The following TTC29 variants were observed in gnomAD, a reference collection of about 807,000 sequenced individuals.
TTC29 encodes the protein tetratricopeptide repeat protein 29.
TTC29 carries 49 observed loss-of-function variants against 58.1 expected under a neutral mutation model. The observed-to-expected ratio is 0.84, with a 90% CI of 0.67 to 1.07. TTC29 has a LOEUF of 1.07. TTC29 is among the 50% of genes least tolerant of loss of function. The probability of loss-of-function intolerance (pLI) is 0.00; values close to 1 mark genes in which losing one functional copy is unlikely to be tolerated. For missense variants in TTC29, 582 were observed against 555.6 expected (o/e 1.05, Z -0.48); for synonymous variants, 209 against 196.8 (o/e 1.06, Z -0.52).
intron 10 of TTC29, among the ~76,000 whole-genome samples, chr4:146,805,828 G>A (rs1405582338): frequency 6.6e-6 from 1 of 152,072 alleles, no homozygotes; most frequent in Non-Finnish European, 1.5e-5. Context: ...ATACTATATG[G>A]GAGCACCTCC....
In TTC29 at chr4:146,846,296, A is replaced by T. The variant is rs1204581664; in HGVS notation, c.886-12399T>A. Among the ~76,000 whole-genome samples, 5 of 152,304 alleles carry T rather than the reference A, an allele frequency of 3.3e-5. No homozygotes were observed. The East Asian group carries it at 9.7e-4, about 29-fold the overall frequency. ...AAAGGTGCATTTGGTTTGTTTGATC[A>T]CATTCTCAGACAAATAAAAGTTTCC... is the stretch of plus-strand genomic sequence containing the variant. On this transcript the variant is annotated intron_variant, in intron 8 of 12. Coordinates refer to ENST00000325106, the MANE Select transcript of TTC29 (RefSeq NM_031956.4).
intron 8 of TTC29, among the ~76,000 whole-genome samples, chr4:146,862,535 T>C (rs903112557): frequency 3.9e-5 from 6 of 152,140 alleles, no homozygotes; most frequent in African/African-American, 9.7e-5. Flanking sequence ...GTGTCTAAGA[T>C]AGGACACTAA....
intron 6 of TTC29, among the ~76,000 whole-genome samples, chr4:146,893,107 C>A (rs934083947): frequency 8.5e-5 from 13 of 152,238 alleles, no homozygotes; most frequent in Middle Eastern, 3.4e-3. Flanking sequence ...CATACTGCCC[C>A]AGGTAATTTA....
At chr4:146,801,953 T>C (rs1750252794) in intron 11 of TTC29, among the ~76,000 whole-genome samples, 1 of 110,310 alleles carries the variant, frequency 9.1e-6, no homozygotes, top group Non-Finnish European at 1.7e-5. Flanking sequence ...CACTCCAGCC[T>C]GGACAACAGA....
intron 6 of TTC29, among the ~76,000 whole-genome samples, chr4:146,898,898 A>C (rs1324578810): frequency 6.6e-6 from 1 of 152,196 alleles, no homozygotes; most frequent in Non-Finnish European, 1.5e-5. Flanking sequence ...CCTCACAAAG[A>C]AGGCTGGCCT....
At chr4:146,801,901 C>T (rs775369799) in intron 11 of TTC29, among the ~76,000 whole-genome samples, 2 of 138,670 alleles carry the variant, frequency 1.4e-5, no homozygotes, top group African/African-American at 5.4e-5. Context: ...ATGGTGTGAA[C>T]CCGGGAGGCA....
At chr4:146,747,143 T>G (rs1745607361) in intron 11 of TTC29, among the ~76,000 whole-genome samples, 1 of 152,142 alleles carries the variant, frequency 6.6e-6, no homozygotes, top group African/African-American at 2.4e-5. Flanking sequence ...TAGAGACTCA[T>G]GCAGTCCTCA....
intron 4 of TTC29, among the ~76,000 whole-genome samples, chr4:146,916,178 A>T (rs1203662837): frequency 6.6e-6 from 1 of 151,722 alleles, no homozygotes; most frequent in Non-Finnish European, 1.5e-5. Context: ...GATATTATGT[A>T]TATCGTAATC....
intron 6 of TTC29, among the ~76,000 whole-genome samples, chr4:146,890,142 A>G (rs1321086519): frequency 1.3e-5 from 2 of 152,174 alleles, no homozygotes; most frequent in Non-Finnish European, 2.9e-5. Context: ...GGTGGCTTAA[A>G]CAACAAAAAT....
In TTC29 at chr4:146,869,888, T is replaced by C. The variant is rs529555079; in HGVS notation, c.800-2305A>G. 3.3e-5 allele frequency among the ~76,000 whole-genome samples: 5 copies of C among 152,200 alleles called. No individual in the cohort carries two copies. The South Asian group carries it at 1.0e-3, about 32-fold the overall frequency. ...TAACAGAGAAAAATGTCGGTAAGAA[T>C]AGGATTAAAAACAACCAAAAAGAAA... On this transcript the variant is annotated intron_variant, in intron 7 of 12. Transcript: ENST00000325106.
chr4:146,756,963 T>C (rs1278826004), intron 11 of TTC29, among the ~76,000 whole-genome samples: 1 of 152,170 alleles, frequency 6.6e-6, no homozygotes, highest in African/African-American at 2.4e-5. Context: ...TTTCCTTGCA[T>C]TGGGCTTTGC....
chr4:146,869,303 G>A (rs1444696742), intron 7 of TTC29, among the ~76,000 whole-genome samples: 2 of 152,030 alleles, frequency 1.3e-5, no homozygotes, highest in East Asian at 1.9e-4. Context: ...CTGAAGCAGC[G>A]GCTCTTTGAA....
intron 11 of TTC29, among the ~76,000 whole-genome samples, chr4:146,802,376 T>G (rs1282489221): frequency 6.6e-6 from 1 of 152,208 alleles, no homozygotes; most frequent in Non-Finnish European, 1.5e-5. Flanking sequence ...GTAAATATTT[T>G]GGGGGTGTTT....
chr4:146,896,381 T>C (rs1261581444), intron 6 of TTC29, among the ~76,000 whole-genome samples: 1 of 152,200 alleles, frequency 6.6e-6, no homozygotes, highest in Non-Finnish European at 1.5e-5. Context: ...TGGCATTTAT[T>C]GTTGCAAAGG....
At chr4:146,822,864 A>C (rs1751938980) in intron 9 of TTC29, among the ~76,000 whole-genome samples, 1 of 151,910 alleles carries the variant, frequency 6.6e-6, no homozygotes, top group Non-Finnish European at 1.5e-5. Flanking sequence ...AGTGATGTTG[A>C]GCTTTTTTTC....
At chr4:146,928,682 G>A (rs777286893) in intron 4 of TTC29, among the ~76,000 whole-genome samples, 123 of 152,222 alleles carry the variant, frequency 8.1e-4, no homozygotes, top group Admixed American at 1.6e-3. Flanking sequence ...TGTTTACTCC[G>A]TCGGTAAACT....
intron 4 of TTC29, among the ~76,000 whole-genome samples, chr4:146,928,393 AC>A (rs1735081491): frequency 1.3e-5 from 2 of 152,232 alleles, no homozygotes; most frequent in South Asian, 4.1e-4. Flanking sequence ...GGCACTTAAA[AC>A]AATACCTGAA....
intron 11 of TTC29, among the ~76,000 whole-genome samples, chr4:146,756,805 A>G (rs1746486986): frequency 6.6e-6 from 1 of 151,062 alleles, no homozygotes; most frequent in South Asian, 2.1e-4. Flanking sequence ...TCTTTCTTCT[A>G]CTTGTTCCAT....
intron 11 of TTC29, among the ~76,000 whole-genome samples, chr4:146,784,256 T>C (rs948933330): frequency 6.6e-6 from 1 of 152,028 alleles, no homozygotes; most frequent in African/African-American, 2.4e-5. Context: ...GCCTTTTAGA[T>C]AATTTAAACT....
Sources: allele counts gnomAD v4.1 joint callset (sites outside exome capture counted in the v4.1 genomes callset), GRCh38; gene constraint gnomAD v4.1.1; transcripts MANE v1.5; gene names NCBI Gene and HGNC (gene_info 2026-07-23, HGNC 2026-07-21).